The following PRKD1 variants were observed in gnomAD, a reference collection of about 807,000 sequenced individuals.
PRKD1 encodes protein kinase D1, also known as serine/threonine-protein kinase D1.
Under a neutral mutation model 95.9 loss-of-function variants are expected in PRKD1, and 63 were observed. The ratio of observed to expected loss-of-function variants is 0.66; its 90% CI spans 0.54 to 0.81. PRKD1 has a LOEUF of 0.81. Ranked by LOEUF, PRKD1 falls within the 30% of genes least tolerant of loss-of-function variation. PRKD1 has a pLI of 0.00. For missense variants in PRKD1, 1,048 were observed against 1,165.3 expected, an observed-to-expected ratio of 0.90 and a Z score of 1.47; for synonymous variants, 425 against 423.1, an observed-to-expected ratio of 1.00 and a Z score of -0.05.
rs553511630 is a variant in PRKD1 at position 29,841,425 on chromosome 14, C to T, written c.264+85824G>A. On this transcript the variant is annotated intron_variant, in intron 1 of 17. Coordinates refer to ENST00000331968, the MANE Select transcript of PRKD1 (RefSeq NM_002742.3). Reference sequence around the variant, plus strand: ...TTCTAACTCCCACAATTCCCACATGCTGTGGGAAGAACCCATTGGGGGGTT... The same window carrying T: ...TTCTAACTCCCACAATTCCCACATGTTGTGGGAAGAACCCATTGGGGGGTT... Among the ~76,000 whole-genome samples, 8 of 152,226 alleles carry T rather than the reference C, an allele frequency of 5.3e-5. No homozygotes were observed. In the South Asian group the frequency reaches 1.5e-3, roughly 28 times the overall value.
chr14:29,642,823 A>G (rs73255532), intron 4 of PRKD1, among the ~76,000 whole-genome samples: 4,259 of 152,192 alleles, frequency 0.028, 178 homozygotes, highest in African/African-American at 0.091. Flanking sequence ...TATTAGGTTA[A>G]CTAAATGGTG....
At chr14:29,779,956 C>T (rs1413513246) in intron 1 of PRKD1, among the ~76,000 whole-genome samples, 1 of 152,178 alleles carries the variant, frequency 6.6e-6, no homozygotes, top group East Asian at 1.9e-4. Flanking sequence ...ACCAATGGAA[C>T]AGAACAGACC....
intron 11 of PRKD1, 92 bp from the exon 12 acceptor site, chr14:29,626,648 CTAAG>C (rs1250831320): frequency 1.5e-5 from 9 of 591,620 alleles, no homozygotes; most frequent in African/African-American, 2.0e-5. Flanking sequence ...ATATTATAAA[CTAAG>C]TATTTTAAAA....
chr14:29,638,372 T>C lies in PRKD1; in HGVS notation c.985+117A>G, dbSNP rs2273809. ...AACAAACACTGGCCATAATTTACTT[T>C]AGACTGTGTCTGAAATATCTGAACC... On this transcript the variant is annotated intron_variant, in intron 6 of 17. Coordinates refer to ENST00000331968, the MANE Select transcript of PRKD1 (RefSeq NM_002742.3). The C allele has an allele frequency of 8.1e-3, 8,306 of 1,026,196 alleles. 276 individuals are homozygous for C. In the African/African-American group the frequency reaches 0.088, roughly 11 times the overall value. 63.6% of individuals were successfully genotyped at this position (1,026,196 alleles called of 1,614,324 possible). A position where few individuals can be genotyped will look rare whatever the true frequency, so the allele number is the denominator to read the frequency against.
intron 2 of PRKD1, among the ~76,000 whole-genome samples, chr14:29,687,592 G>T (rs545231007): frequency 1.3e-5 from 2 of 152,318 alleles, no homozygotes; most frequent in Non-Finnish European, 2.9e-5. Flanking sequence ...CTTACTTGGC[G>T]TGGAGAAGTT....
At chr14:29,643,062 C>G (rs1399872995) in intron 4 of PRKD1, among the ~76,000 whole-genome samples, 5 of 151,964 alleles carry the variant, frequency 3.3e-5, no homozygotes, top group African/African-American at 1.2e-4. Context: ...ATGGGCAACA[C>G]ATATAAGAGA....
chr14:29,820,132 A>G (rs1389909565), intron 1 of PRKD1, among the ~76,000 whole-genome samples: 1 of 152,228 alleles, frequency 6.6e-6, no homozygotes, highest in Non-Finnish European at 1.5e-5. Context: ...ACAGAATCAT[A>G]AGGACACCCC....
At chr14:29,868,374 A>G (rs1475079261) in intron 1 of PRKD1, among the ~76,000 whole-genome samples, 1 of 152,220 alleles carries the variant, frequency 6.6e-6, no homozygotes. Context: ...GATGCAAAAG[A>G]TGTCTCTTCT....
chr14:29,843,919 G>C (rs1401194341), intron 1 of PRKD1, among the ~76,000 whole-genome samples: 2 of 152,168 alleles, frequency 1.3e-5, no homozygotes, highest in Admixed American at 1.3e-4. Flanking sequence ...CAGACTTGAA[G>C]GCAATTAAGC....
chr14:29,681,987 C>T (rs1430629954), intron 2 of PRKD1, among the ~76,000 whole-genome samples: 1 of 152,176 alleles, frequency 6.6e-6, no homozygotes, highest in Non-Finnish European at 1.5e-5. Flanking sequence ...CTCAATTACA[C>T]TACCAATGAC....
chr14:29,896,623 C>A (rs889052895), intron 1 of PRKD1, among the ~76,000 whole-genome samples: 3 of 151,282 alleles, frequency 2.0e-5, no homozygotes, highest in Non-Finnish European at 4.4e-5. Flanking sequence ...ACCAAGTAAA[C>A]GTATCTGTCA....
intron 1 of PRKD1, among the ~76,000 whole-genome samples, chr14:29,752,637 C>T (rs968214113): frequency 4.6e-5 from 7 of 151,674 alleles, no homozygotes; most frequent in African/African-American, 1.7e-4. Context: ...TCAGATAACA[C>T]TTTCTTATGC....
In PRKD1 at chr14:29,579,378, A is replaced by T. The variant is rs184526053; in HGVS notation, c.2435-1018T>A. On this transcript the variant is annotated intron_variant, in intron 16 of 17. Transcript: ENST00000331968. ...CCTAATAGGAAGCATTTATATTTCAAAGAGTTAATTTTTGCCCTTAACCTA... is the reference window on the plus strand; with the variant it reads ...CCTAATAGGAAGCATTTATATTTCATAGAGTTAATTTTTGCCCTTAACCTA... 4.7e-4 allele frequency among the ~76,000 whole-genome samples: 71 copies of T among 151,412 alleles called. 1 individual carries two copies. The South Asian group carries it at 8.1e-3, about 17-fold the overall frequency.
intron 1 of PRKD1, among the ~76,000 whole-genome samples, chr14:29,844,318 G>T (rs1304351070): frequency 1.3e-5 from 2 of 152,104 alleles, no homozygotes; most frequent in African/African-American, 4.8e-5. Context: ...TGTATAAATA[G>T]AACTTTTAGC....
rs184447146 is a variant in PRKD1 at position 29,897,038 on chromosome 14, C to T, written c.264+30211G>A. On this transcript the variant is annotated intron_variant, in intron 1 of 17. Coordinates refer to ENST00000331968, the MANE Select transcript of PRKD1 (RefSeq NM_002742.3). ...ATAAAAAATGAAAATATCTATGATC[C>T]TACTAGCCAGATAAAACCACTTACA... is the stretch of plus-strand genomic sequence containing the variant. Among the ~76,000 whole-genome samples, 4 of 151,528 alleles carry T rather than the reference C, an allele frequency of 2.6e-5. No individual in the cohort carries two copies. In the East Asian group the frequency reaches 7.7e-4, roughly 29 times the overall value.
At chr14:29,675,977 C>T (rs146586867) in intron 2 of PRKD1, among the ~76,000 whole-genome samples, 11,345 of 93,222 alleles carry the variant, frequency 0.12, 687 homozygotes, top group Admixed American at 0.25. Context: ...CGGGGCCTGT[C>T]GTGGGGTGGG....
chr14:29,627,750 C>A (rs1879720054), intron 11 of PRKD1, among the ~76,000 whole-genome samples: 1 of 152,020 alleles, frequency 6.6e-6, no homozygotes, highest in Non-Finnish European at 1.5e-5. Flanking sequence ...TCCTATAAAC[C>A]CTTATCTTTT....
intron 2 of PRKD1, among the ~76,000 whole-genome samples, chr14:29,690,530 A>G (rs570288348): frequency 6.6e-6 from 1 of 152,302 alleles, no homozygotes; most frequent in South Asian, 2.1e-4. Flanking sequence ...TGCTTCTGTG[A>G]ATAAAGCCAC....
intron 1 of PRKD1, among the ~76,000 whole-genome samples, chr14:29,776,725 A>T (rs1042045949): frequency 8.5e-5 from 13 of 152,202 alleles, no homozygotes; most frequent in African/African-American, 2.7e-4. Context: ...ACTCTGTAGG[A>T]TATTATCCAG....
Sources: allele counts gnomAD v4.1 joint callset (sites outside exome capture counted in the v4.1 genomes callset), GRCh38; gene constraint gnomAD v4.1.1; transcripts MANE v1.5; gene names NCBI Gene and HGNC (gene_info 2026-07-23, HGNC 2026-07-21).